POLR3A: variants seen among roughly 807,000 people sequenced by gnomAD.
The protein encoded by POLR3A is RNA polymerase III subunit A.
A neutral mutation model predicts 152.8 loss-of-function variants in POLR3A; 112 were observed. The observed-to-expected ratio is 0.73, with a 90% CI of 0.63 to 0.86. The LOEUF (loss-of-function observed/expected upper bound fraction) is 0.86, where lower values mean the gene tolerates loss of function less well. Among genes scored for constraint, POLR3A ranks in the 40% least tolerant of loss-of-function variants. POLR3A has a pLI of 0.00. For synonymous variants in POLR3A, 615 were observed against 652.1 expected (o/e 0.94, Z 0.87); for missense variants, 1,385 against 1,743.1 (o/e 0.79, Z 3.66).
chr10:78,015,194 C>T (rs368936594), intron 10 of POLR3A, among the ~76,000 whole-genome samples: 23 of 152,284 alleles, frequency 1.5e-4, no homozygotes, highest in African/African-American at 5.5e-4. Context: ...AAAAATGACA[C>T]AGATATGGGT....
In POLR3A at chr10:78,017,625, GCAC is replaced by G. The variant is rs1847537346; in HGVS notation, c.1378_1380del (p.Val460del). 1 of 1,613,900 alleles carries G rather than the reference GCAC, an allele frequency of 6.2e-7. No homozygotes were observed. Among genetic ancestry groups the G allele is most frequent in the Non-Finnish European group, 8.5e-7 (1 of 1,179,776 alleles). ...TGCAGCGAGGGCTGCCGATTGAACAGCACCACATCTCCATCGATGAGGTGTCTC... is the reference window on the plus strand; with the variant it reads ...TGCAGCGAGGGCTGCCGATTGAACAGCACATCTCCATCGATGAGGTGTCTC... On this transcript the variant is annotated inframe_deletion, in exon 10 of 31. Transcript: ENST00000372371.
In POLR3A at chr10:78,000,969, T is replaced by C; in HGVS notation, c.2478+7A>G. Reference sequence around the variant, plus strand: ...TTCACAGTTCTACCTGATCTGCTACTGCTTACCTTTGAGTGTTTTTCAAAA... The same window carrying C: ...TTCACAGTTCTACCTGATCTGCTACCGCTTACCTTTGAGTGTTTTTCAAAA... On this transcript the variant is annotated splice_region_variant and intron_variant, in intron 18 of 30. Transcript: ENST00000372371. The C allele has an allele frequency of 4.2e-6, 6 of 1,435,614 alleles. No individual in the cohort carries two copies. The highest frequency in any genetic ancestry group is 5.9e-6 in the Non-Finnish European group (6 of 1,022,662). 88.9% of individuals were successfully genotyped at this position (1,435,614 alleles called of 1,614,324 possible). A position where few individuals can be genotyped will look rare whatever the true frequency, so the allele number is the denominator to read the frequency against.
chr10:78,026,030 G>A, intron 2 of POLR3A, 64 bp downstream of exon 2: 1 of 1,594,570 alleles, frequency 6.3e-7, no homozygotes, highest in Non-Finnish European at 8.6e-7. Flanking sequence ...CTTTCAATCT[G>A]GTAAGTCACC....
intron 29 of POLR3A, among the ~76,000 whole-genome samples, chr10:77,980,545 T>G (rs1320595693): frequency 6.6e-6 from 1 of 151,174 alleles, no homozygotes; most frequent in Non-Finnish European, 1.5e-5. Flanking sequence ...AAAAGGGGAG[T>G]ATTTCTGAAG....
At chr10:78,021,776 C>A in intron 7 of POLR3A, 84 bp downstream of exon 7, 6 of 1,609,376 alleles carry the variant, frequency 3.7e-6, no homozygotes, top group Non-Finnish European at 5.1e-6. Flanking sequence ...CCTGTGACCT[C>A]CAATCAGAGA....
rs111514127 is a variant in POLR3A, at chr10:78,004,509, C to A, written c.2247+207G>T. Among the ~76,000 whole-genome samples, 624 of 152,258 alleles carry A rather than the reference C, an allele frequency of 4.1e-3. 6 individuals carry two copies. The highest frequency in any genetic ancestry group is 0.013 in the African/African-American group (556 of 41,536). ...AAAGGCCCTACCCTCAGGAAACAAA[C>A]AAGGACACACACAGTGAGCCCAGGG... On this transcript the variant is annotated intron_variant, in intron 16 of 30. Transcript: ENST00000372371.
chr10:77,982,079 G>C (rs1847151282), intron 28 of POLR3A, 75 bp downstream of exon 28: 5 of 800,146 alleles, frequency 6.2e-6, no homozygotes, highest in African/African-American at 1.7e-5. Context: ...AGTATACTGG[G>C]AATCAGTGGA....
chr10:78,015,666 A>G (rs1847516248), intron 10 of POLR3A, among the ~76,000 whole-genome samples: 1 of 151,984 alleles, frequency 6.6e-6, no homozygotes, highest in African/African-American at 2.4e-5. Flanking sequence ...CTTTTTTTAG[A>G]GACAGGGTCT....
At chr10:77,980,340 G>A (rs546808691) in intron 29 of POLR3A, 67 bp from the exon 30 acceptor site, 16 of 1,492,798 alleles carry the variant, frequency 1.1e-5, no homozygotes, top group African/African-American at 5.5e-5. Context: ...ACCAAAGCAC[G>A]GTGCACCTTC....
chr10:77,991,164 C>G lies in POLR3A; in HGVS notation c.2791G>C (p.Val931Leu). The G allele has an allele frequency of 6.3e-7, 1 of 1,598,384 alleles. No homozygotes were observed. The highest frequency in any genetic ancestry group is 8.6e-7 in the Non-Finnish European group (1 of 1,165,638). ...GCAGGCTCACTGGGACACGGGAAGA[C>G]TGCCTTGAGTATTAAAAGAAAATTG... ...FKRVLDNIKAVFPCPSEPALS... is the reference protein window; with the variant it reads ...FKRVLDNIKALFPCPSEPALS... Residue 931 changes from valine (V) to leucine (L), a missense_variant, in exon 21 of 31, where the codon GTC becomes CTC. This residue lies in a region of POLR3A where 178 missense variants were observed against 204.6 expected (regional missense o/e 0.87). Coordinates refer to ENST00000372371, the MANE Select transcript of POLR3A (RefSeq NM_007055.4).
In POLR3A at chr10:78,008,402, T is replaced by G. The variant is rs74639710; in HGVS notation, c.1910-536A>C. Among the ~76,000 whole-genome samples the G allele has an allele frequency of 9.7e-3, 1,475 of 151,628 alleles. 28 individuals carry two copies. The highest frequency in any genetic ancestry group is 0.033 in the African/African-American group (1,373 of 41,332). On this transcript the variant is annotated intron_variant, in intron 14 of 30. Coordinates refer to ENST00000372371, the MANE Select transcript of POLR3A (RefSeq NM_007055.4). ...TTTCCAAAGAAATAAATCTGAGGAG[T>G]ATCAGTGCCCTTCAAAACATTTGCT...
In POLR3A at chr10:78,000,101, G is replaced by A. The variant is rs760386793; in HGVS notation, c.2496C>T (p.Gly832=). 6.2e-7 allele frequency: 1 copy of A among 1,614,068 alleles called. No individual in the cohort carries two copies. The highest frequency in any genetic ancestry group is 8.5e-7 in the Non-Finnish European group (1 of 1,179,996). ...EKHSKLPAAK[G]FVANSFYSGL... ...CGGAATAAAAGCTATTAGCCACAAA[G>A]CCTTTGGCAGCTGGGAGCTAAAGAG... The change falls in exon 19 of 31, where the codon GGC becomes GGT. Residue 832 remains glycine (G), a synonymous_variant. Coordinates refer to ENST00000372371, the MANE Select transcript of POLR3A (RefSeq NM_007055.4).
Position 77,984,000 on chromosome 10 carries a change from T to A in POLR3A, c.3349A>T (p.Ile1117Phe). 6.2e-7 allele frequency: 1 copy of A among 1,608,124 alleles called. No homozygotes were observed. Among genetic ancestry groups the A allele is most frequent in the East Asian group, 2.2e-5 (1 of 44,830 alleles). ...TCATCAGGAAGAAACACTTCTTCAA[T>A]ATACTCGGAAATCTGGAGTGTCAAA... The part of the protein sequence containing the change: ...KTLLGEISEY[I>F]EEVFLPDDCF... The change falls in exon 26 of 31, where the codon ATT (isoleucine) becomes TTT (phenylalanine). Residue 1117 changes from isoleucine (I) to phenylalanine (F), a missense_variant. Coordinates refer to ENST00000372371, the MANE Select transcript of POLR3A (RefSeq NM_007055.4).
chr10:77,999,068 G>GC (rs1847329796), intron 19 of POLR3A, among the ~76,000 whole-genome samples: 1 of 152,030 alleles, frequency 6.6e-6, no homozygotes, highest in Non-Finnish European at 1.5e-5. Flanking sequence ...ACCAAATGCC[G>GC]CATGTTCTCA....
At chr10:78,022,738 A>G (rs935485309) in intron 5 of POLR3A, among the ~76,000 whole-genome samples, 2 of 152,256 alleles carry the variant, frequency 1.3e-5, no homozygotes, top group African/African-American at 4.8e-5. Context: ...AGTTGGAAAG[A>G]GCCTGACAGT....
rs758121830 is a variant in POLR3A at position 78,009,995 on chromosome 10, A to C, written c.1643-4T>G. ...TTGAGAGTGAGGAGATAGGCACCTA[A>C]GCATTAGGAACCAACACAAAACAAA... On this transcript the variant is annotated splice_region_variant and splice_polypyrimidine_tract_variant and intron_variant, in intron 12 of 30. Transcript: ENST00000372371. The C allele has an allele frequency of 1.2e-6, 2 of 1,614,016 alleles. No individual in the cohort carries two copies. Among genetic ancestry groups the C allele is most frequent in the Admixed American group, 1.7e-5 (1 of 60,022 alleles).
intron 24 of POLR3A, 25 bp from the exon 25 acceptor site, chr10:77,984,323 G>C: frequency 7.2e-7 from 1 of 1,395,082 alleles, no homozygotes; most frequent in Non-Finnish European, 1.0e-6. Flanking sequence ...AGGAAAAATG[G>C]CACTAGCACA....
intron 11 of POLR3A, among the ~76,000 whole-genome samples, chr10:78,012,035 C>T (rs1036182896): frequency 6.6e-6 from 1 of 152,154 alleles, no homozygotes; most frequent in Non-Finnish European, 1.5e-5. Flanking sequence ...CTAAACATTA[C>T]TTTTTGTTAC....
intron 29 of POLR3A, among the ~76,000 whole-genome samples, chr10:77,980,816 C>G (rs532561296): frequency 3.9e-5 from 6 of 152,122 alleles, no homozygotes; most frequent in Admixed American, 6.6e-5. Flanking sequence ...GACATCGAAC[C>G]GACAGCCTCA....
Sources: allele counts gnomAD v4.1 joint callset (sites outside exome capture counted in the v4.1 genomes callset), GRCh38; gene constraint gnomAD v4.1.1; regional missense constraint gnomAD v4.1.1; transcripts MANE v1.5; gene names NCBI Gene and HGNC (gene_info 2026-07-23, HGNC 2026-07-21).